Variants in UNC5B observed in about 807,000 individuals in gnomAD.
UNC5B encodes the protein netrin receptor UNC5B.
Under a neutral mutation model 103.7 loss-of-function variants are expected in UNC5B, and 56 were observed. The ratio of observed to expected loss-of-function variants is 0.54; its 90% CI spans 0.44 to 0.67. The LOEUF (loss-of-function observed/expected upper bound fraction) is 0.67, where lower values mean the gene tolerates loss of function less well. Among genes scored for constraint, UNC5B ranks in the 30% least tolerant of loss-of-function variants. The pLI is 0.00. For missense variants in UNC5B, 1,194 were observed against 1,284.5 expected (o/e 0.93, Z 1.08); for synonymous variants, 577 against 542.0 (o/e 1.06, Z -0.90).
intron 1 of UNC5B, among the ~76,000 whole-genome samples, chr10:71,221,500 C>T (rs1402881875): frequency 6.6e-6 from 1 of 152,208 alleles, no homozygotes; most frequent in Non-Finnish European, 1.5e-5. Context: ...TATCAGAACA[C>T]CAGCCCACCC....
chr10:71,231,107 G>A (rs757304181), intron 1 of UNC5B, among the ~76,000 whole-genome samples: 3 of 152,172 alleles, frequency 2.0e-5, no homozygotes, highest in Non-Finnish European at 4.4e-5. Flanking sequence ...TGAACCATAG[G>A]ATTCCTTATA....
chr10:71,259,220 C>G (rs1013531780), intron 1 of UNC5B, among the ~76,000 whole-genome samples: 1 of 152,134 alleles, frequency 6.6e-6, no homozygotes, highest in African/African-American at 2.4e-5. Context: ...CAAAACCCTT[C>G]TCTACTGAAA....
At chr10:71,230,142 G>C (rs1409096177) in intron 1 of UNC5B, among the ~76,000 whole-genome samples, 1 of 152,098 alleles carries the variant, frequency 6.6e-6, no homozygotes, top group Non-Finnish European at 1.5e-5. Context: ...AAGCATTGTA[G>C]ACCATTCTAG....
In UNC5B at chr10:71,236,943, G is replaced by A. The variant is rs947326078; in HGVS notation, c.79+23879G>A. Among the ~76,000 whole-genome samples the A allele has an allele frequency of 4.6e-5, 7 of 152,210 alleles. No homozygotes were observed. The East Asian group carries it at 1.3e-3, about 29-fold the overall frequency. On this transcript the variant is annotated intron_variant, in intron 1 of 16. Transcript: ENST00000335350. ...GAAGATGCATGCCCCTGAAGAGAACGCCCACATTTTCTCCAGCTCAGAGGA... is the reference window on the plus strand; with the variant it reads ...GAAGATGCATGCCCCTGAAGAGAACACCCACATTTTCTCCAGCTCAGAGGA...
intron 1 of UNC5B, among the ~76,000 whole-genome samples, chr10:71,229,455 G>A (rs571871580): frequency 9.9e-5 from 15 of 152,262 alleles, no homozygotes; most frequent in South Asian, 8.3e-4. Context: ...GTCCTCCTCC[G>A]CCCCTGCCCC....
At chr10:71,226,254 T>C (rs879355429) in intron 1 of UNC5B, among the ~76,000 whole-genome samples, 2 of 152,108 alleles carry the variant, frequency 1.3e-5, no homozygotes, top group Non-Finnish European at 2.9e-5. Context: ...TTTGTATTTT[T>C]AGTAGAGATG....
chr10:71,237,006 G>A (rs566499504), intron 1 of UNC5B, among the ~76,000 whole-genome samples: 153 of 152,364 alleles, frequency 1.0e-3, no homozygotes, highest in Non-Finnish European at 7.5e-4. Context: ...GCTTCCTGGA[G>A]GAGGTGGAGG....
intron 1 of UNC5B, among the ~76,000 whole-genome samples, chr10:71,214,676 A>G (rs1843296866): frequency 1.3e-5 from 2 of 152,154 alleles, no homozygotes; most frequent in African/African-American, 2.4e-5. Flanking sequence ...CAGTGGGATC[A>G]GGAATAAATA....
intron 2 of UNC5B, 24 bp downstream of exon 2, chr10:71,280,069 G>A (rs372618859): frequency 2.1e-5 from 34 of 1,611,244 alleles, no homozygotes; most frequent in South Asian, 1.9e-4. Flanking sequence ...ACTTGCCTGG[G>A]CACCCCAGGA....
At chr10:71,239,545 C>T (rs1474838058) in intron 1 of UNC5B, among the ~76,000 whole-genome samples, 1 of 152,172 alleles carries the variant, frequency 6.6e-6, no homozygotes, top group Non-Finnish European at 1.5e-5. Context: ...TCATGGGAGG[C>T]TGTGCATGTT....
At chr10:71,284,054 G>A (rs79599098) in intron 2 of UNC5B, among the ~76,000 whole-genome samples, 10,163 of 152,262 alleles carry the variant, frequency 0.067, 436 homozygotes, top group Middle Eastern at 0.13. Flanking sequence ...CCAGCTAATG[G>A]TGGGTGCTGG....
Position 71,213,592 on chromosome 10 carries a change from G to T in UNC5B, c.79+528G>T, listed in dbSNP as rs1843271497. 6.6e-6 allele frequency among the ~76,000 whole-genome samples: 1 copy of T among 152,084 alleles called. No individual in the cohort carries two copies. The highest frequency in any genetic ancestry group is 1.5e-5 in the Non-Finnish European group (1 of 68,028). The stretch of plus-strand genomic sequence containing the variant: ...GCGCTTCGGTAGCCTCGGCAGGCCG[G>T]CTTGCAGGGCTCCTGAAGCGGGGAG... On this transcript the variant is annotated intron_variant, in intron 1 of 16. Coordinates refer to ENST00000335350, the MANE Select transcript of UNC5B (RefSeq NM_170744.5). This position sits in a 1 kb window ranked among gnomAD's most constrained non-coding sequence, Gnocchi z 4.1.
chr10:71,236,438 C>T (rs536999231), intron 1 of UNC5B, among the ~76,000 whole-genome samples: 13 of 152,320 alleles, frequency 8.5e-5, no homozygotes, highest in Non-Finnish European at 1.3e-4. Context: ...AGCCAGAGGG[C>T]TGAGGATCGG....
At chr10:71,279,575 C>T (rs1844863120) in intron 1 of UNC5B, among the ~76,000 whole-genome samples, 1 of 152,222 alleles carries the variant, frequency 6.6e-6, no homozygotes, top group South Asian at 2.1e-4. Flanking sequence ...AGTCACACAG[C>T]ATTGCAGAGT....
intron 6 of UNC5B, among the ~76,000 whole-genome samples, chr10:71,288,129 C>T (rs948517322): frequency 3.7e-4 from 56 of 152,196 alleles, no homozygotes; most frequent in African/African-American, 5.1e-4. Flanking sequence ...TAAGACACAC[C>T]GTGGCCACAG....
chr10:71,299,451 G>A lies in UNC5B; in HGVS notation c.*174G>A. 1 of 731,544 alleles carries A rather than the reference G, an allele frequency of 1.4e-6. No homozygotes were observed. Among genetic ancestry groups the A allele is most frequent in the South Asian group, 1.9e-5 (1 of 53,592 alleles). The allele number at this position is 731,544 out of a possible 1,614,324, so 45.3% of individuals were successfully genotyped here. A position where few individuals can be genotyped will look rare whatever the true frequency, so the allele number is the denominator to read the frequency against. On this transcript the variant is annotated 3_prime_UTR_variant, in exon 17 of 17. Transcript: ENST00000335350. ...CCATGACCAGCCTTAGAAAATCCAT[G>A]TACTCTGTTGTTAGAGGGCCCAGAG...
chr10:71,285,515 T>C (rs1443230812), intron 4 of UNC5B, 86 bp downstream of exon 4: 1 of 1,242,410 alleles, frequency 8.0e-7, no homozygotes, highest in Non-Finnish European at 1.1e-6. Context: ...CCACCAGCCA[T>C]GGTGCTAGTC....
At chr10:71,276,747 A>T (rs1844781467) in intron 1 of UNC5B, among the ~76,000 whole-genome samples, 1 of 152,116 alleles carries the variant, frequency 6.6e-6, no homozygotes, top group Admixed American at 6.5e-5. Context: ...TCCCTTACTG[A>T]AGTTGCATTC....
intron 2 of UNC5B, among the ~76,000 whole-genome samples, chr10:71,284,117 C>G (rs1845000459): frequency 6.6e-6 from 1 of 152,156 alleles, no homozygotes; most frequent in South Asian, 2.1e-4. Flanking sequence ...AACTTCCGGG[C>G]ACAGTGGTGG....
Sources: allele counts gnomAD v4.1 joint callset (sites outside exome capture counted in the v4.1 genomes callset), GRCh38; gene constraint gnomAD v4.1.1; non-coding constraint Gnocchi (gnomAD v3.1); transcripts MANE v1.5; gene names NCBI Gene and HGNC (gene_info 2026-07-23, HGNC 2026-07-21).